The following TMEM38A variants were observed in gnomAD, a reference collection of about 807,000 sequenced individuals.
TMEM38A encodes the protein transmembrane protein 38A.
A neutral mutation model predicts 28.6 loss-of-function variants in TMEM38A; 17 were observed. The observed-to-expected ratio is 0.60, with a 90% CI of 0.41 to 0.89. The LOEUF is 0.89. TMEM38A is among the 40% of genes least tolerant of loss of function. The pLI, the probability that TMEM38A is intolerant of heterozygous loss-of-function variation, is 0.00. For synonymous variants in TMEM38A, 169 were observed against 166.1 expected, an observed-to-expected ratio of 1.02 and a Z score of -0.14; for missense variants, 328 against 393.1, an observed-to-expected ratio of 0.83 and a Z score of 1.40.
chr19:16,666,782 G>A (rs576988406), intron 1 of TMEM38A, among the ~76,000 whole-genome samples: 24 of 152,048 alleles, frequency 1.6e-4, no homozygotes, highest in Non-Finnish European at 2.4e-4. Flanking sequence ...GTGAAACCCC[G>A]TCTCTACTAA....
At chr19:16,671,826 C>T (rs1201725358) in intron 1 of TMEM38A, among the ~76,000 whole-genome samples, 1 of 152,250 alleles carries the variant, frequency 6.6e-6, no homozygotes, top group African/African-American at 2.4e-5. Flanking sequence ...CCTACCCCCA[C>T]TCCCCAACCT....
chr19:16,684,978 G>A (rs1331372001), intron 4 of TMEM38A, among the ~76,000 whole-genome samples: 2 of 151,666 alleles, frequency 1.3e-5, no homozygotes, highest in African/African-American at 2.4e-5. Flanking sequence ...GAGCCTCAGA[G>A]TTTGAAGTTA....
intron 1 of TMEM38A, among the ~76,000 whole-genome samples, chr19:16,672,446 A>ATTTTTTTTTTTTTTTTTTTTTTT (rs746189021): frequency 9.5e-6 from 1 of 105,024 alleles, no homozygotes; most frequent in Non-Finnish European, 1.8e-5. Flanking sequence ...AAAAAACCTC[A>ATTTTTTTTTTTTTTTTTTTTTTT]TTTTTTTTTT....
intron 1 of TMEM38A, among the ~76,000 whole-genome samples, chr19:16,674,529 G>A (rs1255223515): frequency 1.3e-5 from 2 of 151,832 alleles, no homozygotes; most frequent in East Asian, 1.9e-4. Context: ...GCCGGGCGCC[G>A]TGGCTCACAC....
Position 16,680,400 on chromosome 19 carries a change from C to T in TMEM38A, c.285C>T (p.Tyr95=), listed in dbSNP as rs759237721. The T allele has an allele frequency of 6.2e-7, 1 of 1,614,164 alleles. No individual in the cohort carries two copies. The highest frequency in any genetic ancestry group is 1.1e-5 in the South Asian group (1 of 91,080). ...SSILLASAVW[Y]LIFFCPLDLF... Reference sequence around the variant, plus strand: ...CTCACTGTTCTCTCCCCAAAAGGTACTTGATTTTCTTCTGCCCCCTGGACC... The same window carrying T: ...CTCACTGTTCTCTCCCCAAAAGGTATTTGATTTTCTTCTGCCCCCTGGACC... Residue 95 remains tyrosine, a synonymous_variant, in exon 3 of 6, where the codon TAC becomes TAT. Transcript: ENST00000187762.
At chr19:16,670,424 G>A (rs1005453746) in intron 1 of TMEM38A, among the ~76,000 whole-genome samples, 5 of 151,974 alleles carry the variant, frequency 3.3e-5, no homozygotes, top group African/African-American at 9.7e-5. Flanking sequence ...ACAGGCATGA[G>A]CTACCGTGCC....
At chr19:16,670,343 C>T (rs1380686631) in intron 1 of TMEM38A, among the ~76,000 whole-genome samples, 2 of 149,908 alleles carry the variant, frequency 1.3e-5, no homozygotes, top group African/African-American at 2.5e-5. Context: ...GGCATGATCT[C>T]GACTCACTGC....
chr19:16,681,179 T>C (rs1364427951), intron 3 of TMEM38A, among the ~76,000 whole-genome samples: 2 of 152,156 alleles, frequency 1.3e-5, no homozygotes, highest in African/African-American at 4.8e-5. Flanking sequence ...TTCTAGCTAC[T>C]CAGGAGGCTG....
intron 4 of TMEM38A, among the ~76,000 whole-genome samples, chr19:16,683,847 G>A (rs980762264): frequency 1.3e-5 from 2 of 152,128 alleles, no homozygotes; most frequent in Non-Finnish European, 2.9e-5. Flanking sequence ...GTGCATGCCT[G>A]TAATCCCAGC....
At chr19:16,667,862 A>G (rs1378672968) in intron 1 of TMEM38A, among the ~76,000 whole-genome samples, 4 of 85,764 alleles carry the variant, frequency 4.7e-5, no homozygotes, top group East Asian at 4.2e-4. Context: ...TCCGTCTCAG[A>G]AAAAAAAAAA....
intron 5 of TMEM38A, among the ~76,000 whole-genome samples, chr19:16,687,439 T>G (rs887258343): frequency 2.6e-5 from 4 of 152,232 alleles, no homozygotes; most frequent in Admixed American, 1.3e-4. Flanking sequence ...GAGAATTGCT[T>G]GAACCCAGGA....
chr19:16,681,116 A>G (rs1380574381), intron 3 of TMEM38A, among the ~76,000 whole-genome samples: 1 of 152,172 alleles, frequency 6.6e-6, no homozygotes, highest in Non-Finnish European at 1.5e-5. Flanking sequence ...TGAAGCCTAC[A>G]GACCCTTTCG....
At chr19:16,666,496 A>G (rs987089629) in intron 1 of TMEM38A, among the ~76,000 whole-genome samples, 12 of 151,936 alleles carry the variant, frequency 7.9e-5, no homozygotes, top group Non-Finnish European at 1.3e-4. Flanking sequence ...TAGTACAGTC[A>G]TAGCTCACTG....
At chr19:16,677,276 G>C (rs112045395) in intron 1 of TMEM38A, among the ~76,000 whole-genome samples, 2 of 152,042 alleles carry the variant, frequency 1.3e-5, no homozygotes, top group African/African-American at 4.8e-5. Flanking sequence ...TAATGATAGT[G>C]CATTATTAAA....
At chr19:16,673,424 A>T (rs2086736055) in intron 1 of TMEM38A, among the ~76,000 whole-genome samples, 1 of 152,116 alleles carries the variant, frequency 6.6e-6, no homozygotes, top group East Asian at 1.9e-4. Context: ...GTGGCTTCCC[A>T]CAGCTTTACT....
At position 16,667,282 on chromosome 19, in the gene TMEM38A, A is replaced by G. The variant is rs552732642; in HGVS notation, c.124+5941A>G. Among the ~76,000 whole-genome samples the G allele has an allele frequency of 5.7e-4, 86 of 151,498 alleles. No individual in the cohort carries two copies. The South Asian group carries it at 0.017, about 30-fold the overall frequency. On this transcript the variant is annotated intron_variant, in intron 1 of 5. Coordinates refer to ENST00000187762, the MANE Select transcript of TMEM38A (RefSeq NM_024074.4). Reference sequence around the variant, plus strand: ...CAAGAGTGAAACTCCATTTCAGGAAAAAAAAAAAGAGAAAGAAATGCAGAA... The same window carrying G: ...CAAGAGTGAAACTCCATTTCAGGAAGAAAAAAAAGAGAAAGAAATGCAGAA...
intron 5 of TMEM38A, 38 bp downstream of exon 5, chr19:16,686,443 C>G (rs769651302): frequency 3.9e-6 from 6 of 1,530,490 alleles, no homozygotes; most frequent in South Asian, 1.1e-5. Flanking sequence ...TTGCCTTGAC[C>G]AATGCCACCC....
intron 4 of TMEM38A, 33 bp from the exon 5 acceptor site, chr19:16,686,255 G>T: frequency 6.4e-7 from 1 of 1,557,694 alleles, no homozygotes; most frequent in East Asian, 2.3e-5. Flanking sequence ...AGCCATGCAG[G>T]CACCTCCCGG....
At chr19:16,673,455 T>G (rs557485108) in intron 1 of TMEM38A, among the ~76,000 whole-genome samples, 119 of 152,308 alleles carry the variant, frequency 7.8e-4, no homozygotes, top group African/African-American at 2.8e-3. Flanking sequence ...TGATTTCACT[T>G]TTCTCCTGTT....
Sources: allele counts gnomAD v4.1 joint callset (sites outside exome capture counted in the v4.1 genomes callset), GRCh38; gene constraint gnomAD v4.1.1; transcripts MANE v1.5; gene names NCBI Gene and HGNC (gene_info 2026-07-23, HGNC 2026-07-21).